CNTN4: variants seen among roughly 807,000 people sequenced by gnomAD.
CNTN4 encodes the protein contactin-4.
CNTN4 carries 77 observed loss-of-function variants against 122.5 expected under a neutral mutation model. The observed-to-expected ratio is 0.63, with a 90% CI of 0.52 to 0.76. CNTN4 has a LOEUF of 0.76. CNTN4 is among the 30% of genes least tolerant of loss of function. The pLI is 0.00. For synonymous variants in CNTN4, 512 were observed against 447.0 expected (o/e 1.15, Z -1.83); for missense variants, 1,256 against 1,259.1 (o/e 1.00, Z 0.04).
intron 3 of CNTN4, chr3:2,511,222 T>C (rs1341157333): frequency 6.6e-6 from 1 of 152,188 alleles, no homozygotes; most frequent in Non-Finnish European, 1.5e-5. Context: ...ATTACATAAA[T>C]TGCCCATTGG....
At chr3:2,920,319 A>ATTGGCCGGGCGCGGTGGCTCCCGCCTG in intron 12 of CNTN4, among the ~76,000 whole-genome samples, 1 of 150,744 alleles carries the variant, frequency 6.6e-6, no homozygotes, top group African/African-American at 2.4e-5. Flanking sequence ...AGGAGGCTGG[A>ATTGGCCGGGCGCGGTGGCTCCCGCCTG]TATGACTGTG....
chr3:2,509,317 A>G (rs1029534762), intron 3 of CNTN4, among the ~76,000 whole-genome samples: 2 of 152,222 alleles, frequency 1.3e-5, no homozygotes, highest in African/African-American at 4.8e-5. Context: ...CCAACATGAA[A>G]TTCGTGCCAG....
chr3:2,301,553 T>G (rs2042524345), intron 2 of CNTN4, among the ~76,000 whole-genome samples: 1 of 152,244 alleles, frequency 6.6e-6, no homozygotes, highest in Non-Finnish European at 1.5e-5. Flanking sequence ...TCTTTTTTGT[T>G]GATAGCTGGT....
intron 3 of CNTN4, among the ~76,000 whole-genome samples, chr3:2,492,068 C>T (rs556360493): frequency 1.8e-4 from 28 of 152,136 alleles, no homozygotes; most frequent in African/African-American, 5.3e-4. Flanking sequence ...ATCTATGCAC[C>T]TTTCTGCATT....
At chr3:2,231,594 A>G (rs1575132355) in intron 2 of CNTN4, among the ~76,000 whole-genome samples, 1 of 152,206 alleles carries the variant, frequency 6.6e-6, no homozygotes, top group Admixed American at 6.5e-5. Context: ...TTTCTGAGGA[A>G]AAATTGCTGC....
chr3:2,820,592 C>T (rs941187921), intron 7 of CNTN4, among the ~76,000 whole-genome samples: 3 of 152,132 alleles, frequency 2.0e-5, no homozygotes, highest in Non-Finnish European at 4.4e-5. Context: ...AGTTCCAACC[C>T]TTTAATTATT....
chr3:2,729,755 A>G (rs985028191), intron 4 of CNTN4, among the ~76,000 whole-genome samples: 4 of 150,876 alleles, frequency 2.7e-5, no homozygotes, highest in Non-Finnish European at 4.4e-5. Flanking sequence ...TCTACTAAAA[A>G]CAAAAAAAAT....
intron 4 of CNTN4, among the ~76,000 whole-genome samples, chr3:2,606,739 A>C (rs1228988133): frequency 1.3e-5 from 2 of 152,160 alleles, no homozygotes; most frequent in Admixed American, 1.3e-4. Context: ...AGACTTCCCA[A>C]ATAGCTGTGG....
intron 2 of CNTN4, among the ~76,000 whole-genome samples, chr3:2,165,957 G>C (rs2036176526): frequency 6.6e-6 from 1 of 152,036 alleles, no homozygotes; most frequent in Non-Finnish European, 1.5e-5. Flanking sequence ...ATTGTGATGG[G>C]TGTACCACAA....
At chr3:2,448,122 C>T (rs1180715240) in intron 3 of CNTN4, among the ~76,000 whole-genome samples, 1 of 152,104 alleles carries the variant, frequency 6.6e-6, no homozygotes, top group African/African-American at 2.4e-5. Flanking sequence ...ATAAGATCAT[C>T]AAATAGTCCT....
intron 3 of CNTN4, among the ~76,000 whole-genome samples, chr3:2,557,308 A>C (rs1237838578): frequency 6.6e-6 from 1 of 152,232 alleles, no homozygotes; most frequent in Non-Finnish European, 1.5e-5. Flanking sequence ...CTTTCTTTAC[A>C]TAGATCTCAC....
At position 2,819,590 on chromosome 3, in the gene CNTN4, A is replaced by G. The variant is rs1196142819; in HGVS notation, c.454+9A>G. 3.2e-6 allele frequency: 5 copies of G among 1,584,138 alleles called. No homozygotes were observed. The highest frequency in any genetic ancestry group is 4.3e-6 in the Non-Finnish European group (5 of 1,152,714). On this transcript the variant is annotated intron_variant, in intron 7 of 24. Coordinates refer to ENST00000418658, the MANE Select transcript of CNTN4 (RefSeq NM_175607.3). ...GCCACCCCATTCTGGAGGTACATATAAATGAACTGACATATGCATGCTTCA... is the reference window on the plus strand; with the variant it reads ...GCCACCCCATTCTGGAGGTACATATGAATGAACTGACATATGCATGCTTCA...
At chr3:2,629,456 A>G (rs1460960201) in intron 4 of CNTN4, 46 of 380,528 alleles carry the variant, frequency 1.2e-4, no homozygotes, top group South Asian at 7.6e-4. Flanking sequence ...TCCGGTGATC[A>G]CCACTTGGTT....
intron 3 of CNTN4, among the ~76,000 whole-genome samples, chr3:2,341,614 C>T (rs527785539): frequency 9.2e-5 from 14 of 152,326 alleles, no homozygotes; most frequent in Non-Finnish European, 1.3e-4. Flanking sequence ...GGCCCAGGCA[C>T]CCTGTGGTGC....
At chr3:2,873,720 T>C (rs931258338) in intron 8 of CNTN4, among the ~76,000 whole-genome samples, 5 of 152,226 alleles carry the variant, frequency 3.3e-5, no homozygotes, top group African/African-American at 1.2e-4. Flanking sequence ...GTAGGCCACT[T>C]AATTAACCTA....
intron 2 of CNTN4, among the ~76,000 whole-genome samples, chr3:2,304,635 G>C (rs2042638437): frequency 2.0e-5 from 3 of 151,842 alleles, no homozygotes; most frequent in Admixed American, 2.0e-4. Context: ...GCGAGGAGTT[G>C]GCTTTATCAC....
rs116940941 is a variant in CNTN4 at position 2,508,764 on chromosome 3, C to A, written c.-88-62652C>A. ...TCTACTGTCTTTGAGAAGACCATTT[C>A]TTTTGTTTGTGGTAACTAGTCATGT... On this transcript the variant is annotated intron_variant, in intron 3 of 24. Transcript: ENST00000418658. Among the ~76,000 whole-genome samples, 997 of 152,206 alleles carry A rather than the reference C, an allele frequency of 6.6e-3. 34 individuals carry two copies. Among genetic ancestry groups the A allele is most frequent in the Admixed American group, 0.047 (717 of 15,286 alleles).
At chr3:2,817,202 A>G (rs1181699712) in intron 6 of CNTN4, among the ~76,000 whole-genome samples, 1 of 152,246 alleles carries the variant, frequency 6.6e-6, no homozygotes, top group Non-Finnish European at 1.5e-5. Flanking sequence ...CTTTGGCACT[A>G]AATCACAGCA....
At chr3:2,968,162 T>C (rs1692519308) in intron 13 of CNTN4, among the ~76,000 whole-genome samples, 1 of 152,228 alleles carries the variant, frequency 6.6e-6, no homozygotes, top group Admixed American at 6.5e-5. Context: ...GCACAGAATC[T>C]GTGGGCATGA....
Sources: allele counts gnomAD v4.1 joint callset (sites outside exome capture counted in the v4.1 genomes callset), GRCh38; gene constraint gnomAD v4.1.1; transcripts MANE v1.5; gene names NCBI Gene and HGNC (gene_info 2026-07-23, HGNC 2026-07-21).